CALCRL: variants seen among roughly 807,000 people sequenced by gnomAD.
The protein encoded by CALCRL is calcitonin receptor like receptor.
Under a neutral mutation model 60.4 loss-of-function variants are expected in CALCRL, and 27 were observed. That is an observed-to-expected ratio of 0.45 (90% CI 0.33 to 0.62). CALCRL has a LOEUF of 0.62. Among genes scored for constraint, CALCRL ranks in the 20% least tolerant of loss-of-function variants. CALCRL has a pLI of 0.03. For missense variants in CALCRL, 424 were observed against 540.7 expected (o/e 0.78, Z 2.14); for synonymous variants, 190 against 182.6 (o/e 1.04, Z -0.33).
chr2:187,346,813 A>C (rs1341679001), intron 14 of CALCRL, among the ~76,000 whole-genome samples: 2 of 150,048 alleles, frequency 1.3e-5, no homozygotes, highest in Non-Finnish European at 3.0e-5. Flanking sequence ...ACACAAAAGA[A>C]AAGAAGTTAG....
At chr2:187,413,342 A>G (rs1223891690) in intron 1 of CALCRL, among the ~76,000 whole-genome samples, 1 of 152,210 alleles carries the variant, frequency 6.6e-6, no homozygotes, top group Non-Finnish European at 1.5e-5. Context: ...CTTTGATATC[A>G]TATATAATTA....
At position 187,342,837 on chromosome 2, in the gene CALCRL, GTTCC is replaced by G. The variant is rs1483703624; in HGVS notation, c.*3343_*3346del. On this transcript the variant is annotated 3_prime_UTR_variant, in exon 15 of 15. Coordinates refer to ENST00000392370, the MANE Select transcript of CALCRL (RefSeq NM_005795.6). ...TTTGAATTTTTGTAACATCTTACTT[GTTCC>G]TTCATTAATTAATGAGTTAAACGAA... Among the ~76,000 whole-genome samples, 2 of 151,248 alleles carry G rather than the reference GTTCC, an allele frequency of 1.3e-5. No homozygotes were observed. The highest frequency in any genetic ancestry group is 4.8e-5 in the African/African-American group (2 of 41,300).
chr2:187,436,318 G>A (rs1162230443), intron 1 of CALCRL, among the ~76,000 whole-genome samples: 1 of 152,106 alleles, frequency 6.6e-6, no homozygotes, highest in Non-Finnish European at 1.5e-5. Context: ...CATTTGGTAG[G>A]TTCAGAATAA....
At chr2:187,424,135 TA>T (rs1195113810) in intron 1 of CALCRL, among the ~76,000 whole-genome samples, 1 of 151,778 alleles carries the variant, frequency 6.6e-6, no homozygotes, top group Non-Finnish European at 1.5e-5. Context: ...TAAAACAGCC[TA>T]AAAAAAATAA....
Position 187,421,639 on chromosome 2 carries a change from G to A in CALCRL, c.-293+26400C>T, listed in dbSNP as rs564297612. 4.6e-5 allele frequency among the ~76,000 whole-genome samples: 7 copies of A among 152,300 alleles called. No individual in the cohort carries two copies. In the South Asian group the frequency reaches 6.2e-4, roughly 14 times the overall value. The stretch of plus-strand genomic sequence containing the variant: ...GGCTGCCAGAGTCCTGCTACATTCT[G>A]TGCACAACTGGTGAAAAATGGCCTT... On this transcript the variant is annotated intron_variant, in intron 1 of 14. Coordinates refer to ENST00000392370, the MANE Select transcript of CALCRL (RefSeq NM_005795.6).
intron 1 of CALCRL, among the ~76,000 whole-genome samples, chr2:187,434,127 G>A (rs774311247): frequency 2.0e-5 from 3 of 152,060 alleles, no homozygotes; most frequent in Non-Finnish European, 4.4e-5. Flanking sequence ...AAGAGAAATA[G>A]AAAGTTAGAG....
chr2:187,346,242 C>T lies in CALCRL; in HGVS notation c.1328G>A (p.Gly443Glu). 6.2e-7 allele frequency: 1 copy of T among 1,611,632 alleles called. No homozygotes were observed. Among genetic ancestry groups the T allele is most frequent in the Non-Finnish European group, 8.5e-7 (1 of 1,178,588 alleles). ...SHDCPSEHLN[G>E]KSIHDIENVL... is the part of the protein sequence containing the mutation. Reference sequence around the variant, plus strand: ...ATTTTCAATATCATGGATGCTTTTTCCATTTAAGTGTTCACTAGGACAGTC... The same window carrying T: ...ATTTTCAATATCATGGATGCTTTTTTCATTTAAGTGTTCACTAGGACAGTC... Residue 443 changes from glycine (G) to glutamate (E), a missense_variant, in exon 15 of 15, where the codon GGA (glycine) becomes GAA (glutamate). Transcript: ENST00000392370.
intron 4 of CALCRL, among the ~76,000 whole-genome samples, chr2:187,384,213 C>G (rs1688109645): frequency 6.6e-6 from 1 of 152,164 alleles, no homozygotes. Context: ...TTAACAATAA[C>G]TCTTTCATTC....
chr2:187,366,920 C>CACA (rs1491502658), intron 8 of CALCRL, among the ~76,000 whole-genome samples: 8,500 of 97,512 alleles, frequency 0.087, 438 homozygotes, highest in South Asian at 0.15. Flanking sequence ...GAGTATAACC[C>CACA]CACACACACA....
At chr2:187,382,489 G>C (rs960736895) in intron 5 of CALCRL, among the ~76,000 whole-genome samples, 1 of 152,106 alleles carries the variant, frequency 6.6e-6, no homozygotes, top group Admixed American at 6.5e-5. Flanking sequence ...TATCTAAAGA[G>C]TGTTAAATTT....
intron 1 of CALCRL, among the ~76,000 whole-genome samples, chr2:187,404,954 C>T (rs1049221180): frequency 8.6e-5 from 13 of 151,992 alleles, no homozygotes; most frequent in African/African-American, 2.4e-4. Flanking sequence ...AGGTTTCACA[C>T]GGAGCGACTC....
At chr2:187,404,135 C>T (rs919835489) in intron 1 of CALCRL, among the ~76,000 whole-genome samples, 9 of 151,676 alleles carry the variant, frequency 5.9e-5, no homozygotes, top group Non-Finnish European at 1.0e-4. Context: ...TGATTTGCAC[C>T]CTTAACTGGA....
chr2:187,427,145 T>G (rs372874682), intron 1 of CALCRL, among the ~76,000 whole-genome samples: 1 of 152,070 alleles, frequency 6.6e-6, no homozygotes, highest in African/African-American at 2.4e-5. Context: ...AAAAGGAAGA[T>G]TGTGAAAAGA....
At chr2:187,380,433 G>A in intron 7 of CALCRL, 34 bp downstream of exon 7, 1 of 1,249,670 alleles carries the variant, frequency 8.0e-7, no homozygotes, top group East Asian at 2.3e-5. Flanking sequence ...AACAGATACT[G>A]TAAGTTAAAT....
chr2:187,414,204 T>C (rs1689491963), intron 1 of CALCRL, among the ~76,000 whole-genome samples: 1 of 152,080 alleles, frequency 6.6e-6, no homozygotes, highest in South Asian at 2.1e-4. Context: ...TTTATGTACA[T>C]ATTTTATTTG....
At chr2:187,387,073 C>T (rs915698769) in intron 3 of CALCRL, among the ~76,000 whole-genome samples, 2 of 152,060 alleles carry the variant, frequency 1.3e-5, no homozygotes, top group African/African-American at 2.4e-5. Context: ...ACACTGAACA[C>T]GCAAACAATA....
intron 1 of CALCRL, among the ~76,000 whole-genome samples, chr2:187,400,807 C>T (rs1688856459): frequency 6.6e-6 from 1 of 151,168 alleles, no homozygotes; most frequent in Non-Finnish European, 1.5e-5. Flanking sequence ...TATATGATTC[C>T]CATTTATACG....
At chr2:187,431,900 C>T (rs1484770190) in intron 1 of CALCRL, among the ~76,000 whole-genome samples, 1 of 151,982 alleles carries the variant, frequency 6.6e-6, no homozygotes, top group Non-Finnish European at 1.5e-5. Flanking sequence ...TCACAAAAAG[C>T]ATCTCTGAAG....
intron 9 of CALCRL, among the ~76,000 whole-genome samples, chr2:187,362,220 C>A (rs62174489): frequency 6.6e-6 from 1 of 151,880 alleles, no homozygotes; most frequent in African/African-American, 2.4e-5. Flanking sequence ...CACATCTTTG[C>A]GTACAAATAT....
Sources: gnomAD v4.1 joint callset for allele counts (sites outside exome capture counted in the v4.1 genomes callset) on GRCh38, gnomAD v4.1.1 for gene constraint, MANE v1.5 for transcripts, NCBI Gene and HGNC (gene_info 2026-07-23, HGNC 2026-07-21) for gene names.